Variants in DEPTOR observed in about 807,000 individuals in gnomAD.
DEPTOR encodes the protein DEP domain containing MTOR interacting protein.
DEPTOR carries 41 observed loss-of-function variants against 41.6 expected under a neutral mutation model. That is an observed-to-expected ratio of 0.98 (90% CI 0.77 to 1.28). DEPTOR has a LOEUF of 1.28. Ranked by LOEUF, DEPTOR falls within the 50% of genes most tolerant of loss-of-function variation. The pLI is 0.00. For missense variants in DEPTOR, 514 were observed against 527.9 expected (o/e 0.97, Z 0.26); for synonymous variants, 195 against 192.3 (o/e 1.01, Z -0.12).
intron 3 of DEPTOR, among the ~76,000 whole-genome samples, chr8:119,946,683 G>A (rs1013891616): frequency 2.6e-5 from 4 of 151,998 alleles, no homozygotes; most frequent in East Asian, 1.9e-4. Context: ...GCGGTGAGCC[G>A]AGATTGTACC....
In DEPTOR at chr8:120,050,698, T is replaced by C. The variant is rs1344439911; in HGVS notation, c.*994T>C. On this transcript the variant is annotated 3_prime_UTR_variant, in exon 9 of 9. Transcript: ENST00000286234. ...GGATTATTTTTCACCAAAATGATCA[T>C]CTTGTGTTGTAACTTTTCAGCTCAC... is the stretch of plus-strand genomic sequence containing the variant. The C allele has an allele frequency of 2.6e-5, 4 of 152,154 alleles. No individual in the cohort carries two copies. 9.4% of individuals were successfully genotyped at this position (152,154 alleles called of 1,614,324 possible). A position where few individuals can be genotyped will look rare whatever the true frequency, so the allele number is the denominator to read the frequency against.
At chr8:119,983,682 CCTT>C (rs1422498272) in intron 4 of DEPTOR, among the ~76,000 whole-genome samples, 1 of 152,124 alleles carries the variant, frequency 6.6e-6, no homozygotes, top group East Asian at 1.9e-4. Context: ...CCGTGCCTGG[CCTT>C]CTTTGCAGCT....
At chr8:119,894,918 A>T (rs1212244683) in intron 1 of DEPTOR, among the ~76,000 whole-genome samples, 1 of 152,198 alleles carries the variant, frequency 6.6e-6, no homozygotes, top group Non-Finnish European at 1.5e-5. Flanking sequence ...AAATTTGCAT[A>T]CATTAGAAGG....
intron 8 of DEPTOR, among the ~76,000 whole-genome samples, chr8:120,015,878 A>G (rs115492913): frequency 6.6e-6 from 1 of 152,036 alleles, no homozygotes; most frequent in Non-Finnish European, 1.5e-5. Flanking sequence ...TAGCCTTTTA[A>G]TATGCAAATG....
At chr8:119,958,726 G>A (rs1430755662) in intron 3 of DEPTOR, among the ~76,000 whole-genome samples, 8 of 152,062 alleles carry the variant, frequency 5.3e-5, no homozygotes, top group Admixed American at 3.9e-4. Flanking sequence ...AGGTTGCAGT[G>A]AGCCGAGATC....
At chr8:119,910,244 G>A (rs369962431) in intron 1 of DEPTOR, among the ~76,000 whole-genome samples, 7 of 152,320 alleles carry the variant, frequency 4.6e-5, no homozygotes, top group African/African-American at 1.7e-4. Flanking sequence ...AAGGGAAAAT[G>A]CAAACCTGGC....
chr8:119,979,773 A>G (rs1375256539), intron 4 of DEPTOR, among the ~76,000 whole-genome samples: 1 of 152,118 alleles, frequency 6.6e-6, no homozygotes, highest in Non-Finnish European at 1.5e-5. Flanking sequence ...CCACTGGGGA[A>G]GGGGTGGGTG....
At chr8:119,886,480 C>CATACAT (rs1221334867) in intron 1 of DEPTOR, among the ~76,000 whole-genome samples, 2 of 151,850 alleles carry the variant, frequency 1.3e-5, no homozygotes, top group East Asian at 1.9e-4. Context: ...TACACATACA[C>CATACAT]ATACACACAC....
At position 120,049,591 on chromosome 8, in the gene DEPTOR, G is replaced by A. The variant is rs745598933; in HGVS notation, c.1117G>A (p.Val373Ile). 47 of 1,613,090 alleles carry A rather than the reference G, an allele frequency of 2.9e-5. No homozygotes were observed. Among genetic ancestry groups the A allele is most frequent in the Middle Eastern group, 3.3e-4 (2 of 6,076 alleles). The change falls in exon 9 of 9, where the codon GTC becomes ATC. Residue 373 changes from valine to isoleucine, a missense_variant. Transcript: ENST00000286234. ...TTTCCTTTAGGTCTGTCAGTTTGTC[G>A]TCTCTGTCAACGGGCTCAATGTCCT... is the stretch of plus-strand genomic sequence containing the variant. ...AAGMKVCQFV[V>I]SVNGLNVLHV...
chr8:119,992,618 A>C (rs976017953), intron 4 of DEPTOR, among the ~76,000 whole-genome samples: 1 of 150,550 alleles, frequency 6.6e-6, no homozygotes, highest in Non-Finnish European at 1.5e-5. Flanking sequence ...GAATGAAAGT[A>C]TGTGACCTTC....
intron 8 of DEPTOR, among the ~76,000 whole-genome samples, chr8:120,023,099 C>G (rs373383251): frequency 4.6e-5 from 7 of 152,268 alleles, no homozygotes; most frequent in African/African-American, 1.2e-4. Context: ...TCTCCTGACT[C>G]ACAGAGGGCC....
At chr8:120,001,193 A>G (rs1454623684) in intron 4 of DEPTOR, among the ~76,000 whole-genome samples, 1 of 152,080 alleles carries the variant, frequency 6.6e-6, no homozygotes, top group Admixed American at 6.6e-5. Context: ...GTTTAGAGGG[A>G]AAGAGAAGGG....
intron 3 of DEPTOR, among the ~76,000 whole-genome samples, chr8:119,944,210 T>A (rs939932696): frequency 6.6e-6 from 1 of 152,190 alleles, no homozygotes; most frequent in African/African-American, 2.4e-5. Context: ...GAAATCCACT[T>A]GGAAAGTGAG....
At chr8:119,896,915 A>G (rs1384263993) in intron 1 of DEPTOR, among the ~76,000 whole-genome samples, 5 of 109,528 alleles carry the variant, frequency 4.6e-5, no homozygotes, top group Non-Finnish European at 1.1e-4. Flanking sequence ...ATACATCACA[A>G]ATGAAGAAAT....
At chr8:120,027,914 G>T (rs1278341812) in intron 8 of DEPTOR, among the ~76,000 whole-genome samples, 1 of 152,104 alleles carries the variant, frequency 6.6e-6, no homozygotes, top group African/African-American at 2.4e-5. Flanking sequence ...TACAGACTCA[G>T]TTGGTCTGGG....
chr8:120,018,685 G>A (rs1319680178), intron 8 of DEPTOR, among the ~76,000 whole-genome samples: 2 of 152,184 alleles, frequency 1.3e-5, no homozygotes, highest in African/African-American at 4.8e-5. Flanking sequence ...CAGAGTTGTA[G>A]CTTCTCAGTT....
chr8:119,967,310 C>T (rs1458188228), intron 4 of DEPTOR, among the ~76,000 whole-genome samples: 1 of 150,936 alleles, frequency 6.6e-6, no homozygotes, highest in Admixed American at 6.6e-5. Flanking sequence ...ACAGTCTTCA[C>T]CTCAGGTGAT....
At chr8:119,979,451 C>G (rs1279118881) in intron 4 of DEPTOR, among the ~76,000 whole-genome samples, 1 of 151,826 alleles carries the variant, frequency 6.6e-6, no homozygotes, top group Non-Finnish European at 1.5e-5. Context: ...TTCATAGAGA[C>G]AGGGTTTTGC....
chr8:119,880,135 C>T (rs1586595193), intron 1 of DEPTOR, among the ~76,000 whole-genome samples: 2 of 130,802 alleles, frequency 1.5e-5, no homozygotes, highest in East Asian at 2.0e-4. Context: ...GAGCGGGACT[C>T]CGTCTCAAAA....
Sources: allele counts gnomAD v4.1 joint callset (sites outside exome capture counted in the v4.1 genomes callset), GRCh38; gene constraint gnomAD v4.1.1; transcripts MANE v1.5; gene names NCBI Gene and HGNC (gene_info 2026-07-23, HGNC 2026-07-21).